NUP85: variants seen among roughly 807,000 people sequenced by gnomAD.
NUP85 encodes the protein nuclear pore complex protein Nup85.
NUP85 carries 23 observed loss-of-function variants against 92.8 expected under a neutral mutation model. The ratio of observed to expected loss-of-function variants is 0.25; its 90% CI spans 0.18 to 0.35. The LOEUF (loss-of-function observed/expected upper bound fraction) is 0.35, where lower values mean the gene tolerates loss of function less well. Among genes scored for constraint, NUP85 ranks in the 10% least tolerant of loss-of-function variants. The pLI is 1.00. For synonymous variants in NUP85, 314 were observed against 306.9 expected, an observed-to-expected ratio of 1.02 and a Z score of -0.24; for missense variants, 759 against 822.8, an observed-to-expected ratio of 0.92 and a Z score of 0.95.
chr17:75,233,594 GTATTT>G (rs1177048155), intron 16 of NUP85, among the ~76,000 whole-genome samples: 1 of 148,202 alleles, frequency 6.7e-6, no homozygotes, highest in Non-Finnish European at 1.5e-5. Flanking sequence ...GCTAATTTTT[GTATTT>G]TATTTATTTA....
In NUP85 at chr17:75,234,675, C is replaced by T. The variant is rs761256079; in HGVS notation, c.1654C>T (p.Arg552Cys). ...REFHRMYGEKRFADAASLLLS... is the reference protein window; with the variant it reads ...REFHRMYGEKCFADAASLLLS... ...GTTCCACCGTATGTACGGGGAGAAG[C>T]GTTTTGCCGACGCAGCTTCTCTCCT... is the stretch of plus-strand genomic sequence containing the variant. The change falls in exon 17 of 19, where the codon CGT becomes TGT. Residue 552 changes from arginine (R) to cysteine (C), a missense_variant. By Grantham distance (180) the Arg-to-Cys change is radical. Transcript: ENST00000245544. 2.1e-5 allele frequency: 34 copies of T among 1,614,072 alleles called. No homozygotes were observed. Among genetic ancestry groups the T allele is most frequent in the South Asian group, 1.3e-4 (12 of 91,090 alleles).
chr17:75,212,083 CGCGCGT>C, intron 4 of NUP85, 21 bp downstream of exon 4: 2 of 941,618 alleles, frequency 2.1e-6, no homozygotes, highest in Non-Finnish European at 3.0e-6. Context: ...TGTGCGCGTG[CGCGCGT>C]GTGTGTGTGT....
At chr17:75,235,018 G>A in intron 17 of NUP85, 82 bp from the exon 18 acceptor site, 3 of 1,178,336 alleles carry the variant, frequency 2.5e-6, no homozygotes, top group South Asian at 1.2e-5. Flanking sequence ...ATGAAAGGAA[G>A]AACGTCCGAA....
At position 75,234,783 on chromosome 17, in the gene NUP85, A is replaced by G. The variant is rs148227295; in HGVS notation, c.1762A>G (p.Lys588Glu). The change falls in exon 17 of 19, where the codon AAA becomes GAA. Residue 588 changes from lysine to glutamate, a missense_variant. By Grantham distance (56) the Lys-to-Glu change is moderately conservative. Transcript: ENST00000245544. ...AGACGCCTTGCCCCTTTTGGAACAG[A>G]AACAGGTGAAGGTTGCAGCAGCAGT... is the stretch of plus-strand genomic sequence containing the variant. Reference protein sequence around the residue: ...LTDALPLLEQKQVIFSAEQTY... With the variant: ...LTDALPLLEQEQVIFSAEQTY... 1.0e-4 allele frequency: 168 copies of G among 1,614,006 alleles called. No individual in the cohort carries two copies. The highest frequency in any genetic ancestry group is 1.3e-4 in the Non-Finnish European group (150 of 1,180,032).
intron 11 of NUP85, chr17:75,226,838 C>T: frequency 2.4e-6 from 1 of 415,320 alleles, no homozygotes; most frequent in South Asian, 1.8e-5. Context: ...CTAATGGACA[C>T]CTTATGGGAT....
At chr17:75,233,908 A>C (rs1384137097) in intron 16 of NUP85, among the ~76,000 whole-genome samples, 1 of 148,474 alleles carries the variant, frequency 6.7e-6, no homozygotes, top group Non-Finnish European at 1.5e-5. Context: ...TAATTTTTGT[A>C]TTTTTAGTAG....
At chr17:75,219,433 C>T (rs117481497) in intron 7 of NUP85, among the ~76,000 whole-genome samples, 8 of 152,010 alleles carry the variant, frequency 5.3e-5, no homozygotes, top group Non-Finnish European at 1.2e-4. Context: ...CACACCACTA[C>T]GCCTGGCTAG....
At chr17:75,233,437 C>CTCT (rs2076174597) in intron 16 of NUP85, among the ~76,000 whole-genome samples, 1 of 117,186 alleles carries the variant, frequency 8.5e-6, no homozygotes, top group Non-Finnish European at 1.7e-5. Context: ...TTTATTTTTT[C>CTCT]TTTTTTTTTT....
At chr17:75,213,540 G>A (rs536894794) in intron 5 of NUP85, among the ~76,000 whole-genome samples, 14 of 151,996 alleles carry the variant, frequency 9.2e-5, no homozygotes, top group Admixed American at 3.3e-4. Flanking sequence ...TGATCCACCC[G>A]CCTCGACCTC....
chr17:75,231,209 A>C lies in NUP85; in HGVS notation c.1095-131A>C. 3 of 838,256 alleles carry C rather than the reference A, an allele frequency of 3.6e-6. No homozygotes were observed. The highest frequency in any genetic ancestry group is 1.5e-5 in the South Asian group (1 of 65,876). 51.9% of individuals were successfully genotyped at this position (838,256 alleles called of 1,614,324 possible). A position where few individuals can be genotyped will look rare whatever the true frequency, so the allele number is the denominator to read the frequency against. On this transcript the variant is annotated intron_variant, in intron 11 of 18. Coordinates refer to ENST00000245544, the MANE Select transcript of NUP85 (RefSeq NM_024844.5). The surrounding 1 kb of genome is among the most constrained non-coding windows in gnomAD (Gnocchi z 4.6). ...CTCCCAAAGTACTGGGATCACGGGCATGAGCTATCATCACGCCCGGCCCCA... is the reference window on the plus strand; with the variant it reads ...CTCCCAAAGTACTGGGATCACGGGCCTGAGCTATCATCACGCCCGGCCCCA...
chr17:75,207,464 T>C (rs951799821), intron 1 of NUP85, among the ~76,000 whole-genome samples: 3 of 150,626 alleles, frequency 2.0e-5, no homozygotes, highest in African/African-American at 4.9e-5. Context: ...GGATTACAAG[T>C]GTGAGCCACT....
intron 4 of NUP85, among the ~76,000 whole-genome samples, 167 bp downstream of exon 4, chr17:75,212,229 GT>G (rs1487667368): frequency 3.9e-4 from 1 of 2,580 alleles, no homozygotes; most frequent in African/African-American, 8.0e-4. Context: ...TCATTTAGAG[GT>G]TTTTTTTTTT....
chr17:75,215,193 T>C (rs2075392382), intron 5 of NUP85, among the ~76,000 whole-genome samples: 1 of 152,038 alleles, frequency 6.6e-6, no homozygotes, highest in South Asian at 2.1e-4. Flanking sequence ...AAATAATAAC[T>C]GGTGACATGC....
At chr17:75,234,507 TCTC>T (rs1243352584) in intron 16 of NUP85, 127 bp from the exon 17 acceptor site, 8 of 835,024 alleles carry the variant, frequency 9.6e-6, no homozygotes, top group Admixed American at 4.4e-5. Flanking sequence ...CAGAAAAAAA[TCTC>T]CTGCTTTGTG....
At chr17:75,221,581 C>T (rs1296167920) in intron 7 of NUP85, among the ~76,000 whole-genome samples, 1 of 152,160 alleles carries the variant, frequency 6.6e-6, no homozygotes, top group Non-Finnish European at 1.5e-5. Context: ...CCTTAAGGGT[C>T]CTCATCTGTC....
chr17:75,221,934 T>C (rs1447067210), intron 7 of NUP85, among the ~76,000 whole-genome samples: 1 of 152,198 alleles, frequency 6.6e-6, no homozygotes, highest in Non-Finnish European at 1.5e-5. Context: ...ATTGATTTGA[T>C]GTGGGCATGC....
At chr17:75,206,071 C>G (rs369951318) in intron 1 of NUP85, among the ~76,000 whole-genome samples, 10 of 152,090 alleles carry the variant, frequency 6.6e-5, no homozygotes, top group South Asian at 4.1e-4. Context: ...ACTTCCCTTG[C>G]TTTTCCTCTT....
chr17:75,213,073 T>C lies in NUP85; in HGVS notation c.362-3T>C, dbSNP rs772287826. 4 of 1,612,574 alleles carry C rather than the reference T, an allele frequency of 2.5e-6. No individual in the cohort carries two copies. In the Admixed American group the frequency reaches 5.0e-5, roughly 20 times the overall value. ...TCACTTAAAATGTTTTGTGTTTTGTTAGTTGCTGCTAAAGATCCAGCCAAT... is the reference window on the plus strand; with the variant it reads ...TCACTTAAAATGTTTTGTGTTTTGTCAGTTGCTGCTAAAGATCCAGCCAAT... On this transcript the variant is annotated splice_polypyrimidine_tract_variant and splice_region_variant and intron_variant, in intron 4 of 18. Transcript: ENST00000245544.
At chr17:75,234,894 G>A in intron 17 of NUP85, 106 bp downstream of exon 17, 5 of 1,390,130 alleles carry the variant, frequency 3.6e-6, no homozygotes, top group Non-Finnish European at 5.1e-6. Context: ...CGTTCTGCCT[G>A]TGCGCGTGTA....
Sources: gnomAD v4.1 joint callset for allele counts (sites outside exome capture counted in the v4.1 genomes callset) on GRCh38, gnomAD v4.1.1 for gene constraint, Gnocchi (gnomAD v3.1) non-coding constraint, MANE v1.5 for transcripts, NCBI Gene and HGNC (gene_info 2026-07-23, HGNC 2026-07-21) for gene names.